SGCZ: variants seen among roughly 807,000 people sequenced by gnomAD.
SGCZ encodes zeta-sarcoglycan.
SGCZ carries 40 observed loss-of-function variants against 41.3 expected under a neutral mutation model. The ratio of observed to expected loss-of-function variants is 0.97; its 90% CI spans 0.75 to 1.26. The LOEUF (loss-of-function observed/expected upper bound fraction) is 1.26, where lower values mean the gene tolerates loss of function less well. Ranked by LOEUF, SGCZ falls within the 50% of genes most tolerant of loss-of-function variation. The probability of loss-of-function intolerance (pLI) is 0.00; values close to 1 mark genes in which losing one functional copy is unlikely to be tolerated. For missense variants in SGCZ, 552 were observed against 369.8 expected (o/e 1.49, Z -4.04); for synonymous variants, 206 against 137.5 (o/e 1.50, Z -3.49).
chr8:14,824,251 G>C (rs1385673630), intron 1 of SGCZ, among the ~76,000 whole-genome samples: 1 of 152,038 alleles, frequency 6.6e-6, no homozygotes, highest in Non-Finnish European at 1.5e-5. Context: ...GCTCCTCAAT[G>C]TTCTCACCAC....
At chr8:14,335,948 G>T (rs1802491630) in intron 2 of SGCZ, among the ~76,000 whole-genome samples, 1 of 151,854 alleles carries the variant, frequency 6.6e-6, no homozygotes, top group Non-Finnish European at 1.5e-5. Flanking sequence ...AGGTTCAGGG[G>T]TACATCTGCA....
chr8:14,160,654 T>C (rs1804017095), intron 5 of SGCZ, among the ~76,000 whole-genome samples: 1 of 152,124 alleles, frequency 6.6e-6, no homozygotes, highest in African/African-American at 2.4e-5. Context: ...ACCTTAAGCA[T>C]GTGATTGCTC....
In SGCZ at chr8:15,043,688, A is replaced by G. The variant is rs542955026; in HGVS notation, c.39+193897T>C. On this transcript the variant is annotated intron_variant, in intron 1 of 7. Coordinates refer to ENST00000382080, the MANE Select transcript of SGCZ (RefSeq NM_139167.4). ...AAAAAAGTAATTTCTTAAGCTTTTC[A>G]TATACAAACATGAGGAAATACTTTT... 2.6e-5 allele frequency among the ~76,000 whole-genome samples: 4 copies of G among 152,264 alleles called. No individual in the cohort carries two copies. In the South Asian group the frequency reaches 8.3e-4, roughly 32 times the overall value.
rs1585140965 is a variant in SGCZ, at chr8:14,108,152, G to A, written c.620+11C>T. On this transcript the variant is annotated intron_variant, in intron 6 of 7. Coordinates refer to ENST00000382080, the MANE Select transcript of SGCZ (RefSeq NM_139167.4). ...GGATTTTATGCCACAGGTATAAGAGGAAGCCCTTACCTGAGATCTTGGGAT... is the reference window on the plus strand; with the variant it reads ...GGATTTTATGCCACAGGTATAAGAGAAAGCCCTTACCTGAGATCTTGGGAT... 1 of 1,613,594 alleles carries A rather than the reference G, an allele frequency of 6.2e-7. No individual in the cohort carries two copies. Among genetic ancestry groups the A allele is most frequent in the Non-Finnish European group, 8.5e-7 (1 of 1,179,620 alleles).
intron 3 of SGCZ, among the ~76,000 whole-genome samples, chr8:14,276,476 G>T (rs1184408033): frequency 6.6e-6 from 1 of 152,028 alleles, no homozygotes. Flanking sequence ...AGTGGCTCTT[G>T]ATATATTTCT....
chr8:14,617,872 G>T (rs972372815), intron 1 of SGCZ, among the ~76,000 whole-genome samples: 1 of 152,060 alleles, frequency 6.6e-6, no homozygotes, highest in African/African-American at 2.4e-5. Context: ...GTGTGTGTGT[G>T]TGTGCCTTTA....
At chr8:14,565,074 G>C (rs1019053421) in intron 1 of SGCZ, among the ~76,000 whole-genome samples, 26 of 152,066 alleles carry the variant, frequency 1.7e-4, no homozygotes, top group African/African-American at 6.0e-4. Context: ...CAAATGTGCT[G>C]CCTCTTGAGA....
chr8:14,602,293 T>A (rs1255999684), intron 1 of SGCZ, among the ~76,000 whole-genome samples: 1 of 151,910 alleles, frequency 6.6e-6, no homozygotes, highest in Non-Finnish European at 1.5e-5. Flanking sequence ...GGAATTTGAG[T>A]TGTATTTATG....
At chr8:14,097,422 T>A (rs1801879757) in intron 7 of SGCZ, among the ~76,000 whole-genome samples, 1 of 152,246 alleles carries the variant, frequency 6.6e-6, no homozygotes, top group Admixed American at 6.5e-5. Flanking sequence ...AGTTTCTTAA[T>A]CCTGAGTTCT....
At chr8:14,799,112 G>C (rs1353045948) in intron 1 of SGCZ, among the ~76,000 whole-genome samples, 2 of 151,516 alleles carry the variant, frequency 1.3e-5, no homozygotes, top group African/African-American at 4.8e-5. Flanking sequence ...TGTACTTTCA[G>C]AAATTAAAAA....
At chr8:14,152,527 C>CTGTT (rs1484901379) in intron 5 of SGCZ, among the ~76,000 whole-genome samples, 2 of 152,112 alleles carry the variant, frequency 1.3e-5, no homozygotes, top group Non-Finnish European at 2.9e-5. Context: ...CACTACACAG[C>CTGTT]TGTTATCATA....
chr8:14,284,122 T>C (rs975643855), intron 3 of SGCZ, among the ~76,000 whole-genome samples: 1 of 152,250 alleles, frequency 6.6e-6, no homozygotes, highest in South Asian at 2.1e-4. Context: ...CTGAGCCTCG[T>C]GGCCAATGCC....
At chr8:15,093,730 T>C (rs1362352913) in intron 1 of SGCZ, among the ~76,000 whole-genome samples, 5 of 152,210 alleles carry the variant, frequency 3.3e-5, no homozygotes, top group Non-Finnish European at 7.3e-5. Context: ...TCAAGGTTAA[T>C]TGATTTATGA....
At chr8:14,773,769 G>C (rs933393484) in intron 1 of SGCZ, among the ~76,000 whole-genome samples, 1 of 152,174 alleles carries the variant, frequency 6.6e-6, no homozygotes, top group African/African-American at 2.4e-5. Flanking sequence ...AAAGTCAGCA[G>C]AGACTCTTAA....
At chr8:14,277,305 ATAAGTTTCAGCTT>A (rs1800271512) in intron 3 of SGCZ, among the ~76,000 whole-genome samples, 1 of 152,056 alleles carries the variant, frequency 6.6e-6, no homozygotes, top group Non-Finnish European at 1.5e-5. Context: ...ATGTTCCTTC[ATAAGTTTCAGCTT>A]TTGCAATCCT....
intron 7 of SGCZ, among the ~76,000 whole-genome samples, chr8:14,092,590 G>A (rs1023586887): frequency 6.6e-6 from 1 of 151,884 alleles, no homozygotes; most frequent in African/African-American, 2.4e-5. Context: ...AAATCATGGG[G>A]GCAGTTTCCC....
At chr8:14,455,557 A>C (rs1383453744) in intron 2 of SGCZ, among the ~76,000 whole-genome samples, 1 of 152,162 alleles carries the variant, frequency 6.6e-6, no homozygotes, top group South Asian at 2.1e-4. Context: ...GTAGATAGAT[A>C]GATCGATCTC....
At chr8:15,087,726 C>G (rs1208766043) in intron 1 of SGCZ, among the ~76,000 whole-genome samples, 1 of 152,008 alleles carries the variant, frequency 6.6e-6, no homozygotes, top group East Asian at 1.9e-4. Flanking sequence ...GTTCAGCTAA[C>G]CTAGTATTAA....
At chr8:14,927,220 T>G (rs567622188) in intron 1 of SGCZ, among the ~76,000 whole-genome samples, 1 of 150,456 alleles carries the variant, frequency 6.6e-6, no homozygotes, top group East Asian at 2.0e-4. Flanking sequence ...GCCATTCTCC[T>G]GCCTCACCCT....
Sources: allele counts gnomAD v4.1 joint callset (sites outside exome capture counted in the v4.1 genomes callset), GRCh38; gene constraint gnomAD v4.1.1; transcripts MANE v1.5; gene names NCBI Gene and HGNC (gene_info 2026-07-23, HGNC 2026-07-21).